YPEL3: variants seen among roughly 807,000 people sequenced by gnomAD.
YPEL3 encodes the protein yippee like 3, also known as protein yippee-like 3.
A neutral mutation model predicts 17.5 loss-of-function variants in YPEL3; 5 were observed. The observed-to-expected ratio is 0.29, with a 90% confidence interval of 0.15 to 0.60. The LOEUF (loss-of-function observed/expected upper bound fraction) is 0.60, where lower values mean the gene tolerates loss of function less well. YPEL3 is among the 20% of genes least tolerant of loss of function. YPEL3 has a pLI of 0.87. For missense variants in YPEL3, 155 were observed against 211.4 expected (o/e 0.73, Z 1.65); for synonymous variants, 87 against 87.2 (o/e 1.00, Z 0.01).
chr16:30,095,361 C>T lies in YPEL3; in HGVS notation c.122G>A (p.Arg41Gln), dbSNP rs2072781016. Residue 41 changes from arginine (R) to glutamine (Q), a missense_variant, in exon 1 of 4, where the codon CGG becomes CAG. This residue lies in a region of YPEL3 where 58 missense variants were observed against 60.0 expected (regional missense o/e 0.97). Transcript: ENST00000398841. This position sits in a 1 kb window ranked among gnomAD's most constrained non-coding sequence, Gnocchi z 5.4. ...GPLPPAPAMV[R>Q]ISKPKTFQAY... ...CTGAAACGTCTTGGGCTTTGAAATC[C>T]GCACCATGGCGGGGGCCGGGGGCAG... 2 of 1,614,118 alleles carry T rather than the reference C, an allele frequency of 1.2e-6. No homozygotes were observed. The highest frequency in any genetic ancestry group is 8.5e-7 in the Non-Finnish European group (1 of 1,180,008).
Position 30,094,775 on chromosome 16 carries a change from G to A in YPEL3, c.384+14C>T, listed in dbSNP as rs758399896. 6.2e-7 allele frequency: 1 copy of A among 1,612,708 alleles called. No homozygotes were observed. Among genetic ancestry groups the A allele is most frequent in the African/African-American group, 1.3e-5 (1 of 75,030 alleles). On this transcript the variant is annotated intron_variant, in intron 3 of 3. Transcript: ENST00000398841. ...GGTCAAAGGCTAGCCTGGGGTCAGA[G>A]GTGGGTGACTCACATATTTCCAGCC...
intron 3 of YPEL3, among the ~76,000 whole-genome samples, 182 bp from the exon 4 acceptor site, chr16:30,092,981 T>TAA (rs2072750637): frequency 1.3e-5 from 2 of 152,194 alleles, no homozygotes; most frequent in Admixed American, 6.5e-5. Flanking sequence ...GGTACTTTTT[T>TAA]AAGTACTAAT....
chr16:30,092,877 G>C (rs2072749119), intron 3 of YPEL3, 78 bp from the exon 4 acceptor site: 2 of 1,272,388 alleles, frequency 1.6e-6, no homozygotes, highest in Non-Finnish European at 1.1e-6. Flanking sequence ...GTGGACATGA[G>C]TGGCCCCATT....
chr16:30,092,883 C>T (rs2072749246), intron 3 of YPEL3, 84 bp from the exon 4 acceptor site: 19 of 1,183,124 alleles, frequency 1.6e-5, no homozygotes, highest in South Asian at 9.9e-5. Flanking sequence ...ATGAGTGGCC[C>T]CATTTTACAT....
Position 30,092,611 on chromosome 16 carries a change from G to T in YPEL3, c.*99C>A. ...AGGAGCTAGATCCGTCCTCTGCAGG[G>T]GCTCTGAGGGTCCAGAGCTCCCTTC... On this transcript the variant is annotated 3_prime_UTR_variant, in exon 4 of 4. Transcript: ENST00000398841. 9.4e-7 allele frequency: 1 copy of T among 1,067,182 alleles called. No individual in the cohort carries two copies. The highest frequency in any genetic ancestry group is 1.3e-5 in the South Asian group (1 of 78,038). The allele number at this position is 1,067,182 out of a possible 1,614,324, so 66.1% of individuals were successfully genotyped here.
chr16:30,095,912 T>C lies in YPEL3; in HGVS notation c.-430A>G. 6.1e-6 allele frequency: 1 copy of C among 163,150 alleles called. No individual in the cohort carries two copies. The highest frequency in any genetic ancestry group is 1.3e-5 in the Non-Finnish European group (1 of 75,582). The allele number at this position is 163,150 out of a possible 1,614,324, so 10.1% of individuals were successfully genotyped here. On this transcript the variant is annotated 5_prime_UTR_variant, in exon 1 of 4. Coordinates refer to ENST00000398841, the MANE Select transcript of YPEL3 (RefSeq NM_031477.5). The surrounding 1 kb of genome is among the most constrained non-coding windows in gnomAD (Gnocchi z 5.4). ...GAGGGTCACCTAGGAGGGGAGGGGC[T>C]CTCACCTGCGGGCGCCAAGGCCTCC...
At position 30,094,819 on chromosome 16, in the gene YPEL3, C is replaced by T; in HGVS notation, c.354G>A (p.Glu118=). ...GLHAVADIHC[E]NCKTTLGWKY... The stretch of plus-strand genomic sequence containing the variant: ...TCCAGCCCAAAGTGGTCTTGCAGTT[C>T]TCGCAGTGGATGTCGGCGACAGCAT... Residue 118 remains glutamate, a synonymous_variant, in exon 3 of 4, where the codon GAG becomes GAA. Transcript: ENST00000398841. The T allele has an allele frequency of 6.2e-7, 1 of 1,614,166 alleles. No individual in the cohort carries two copies. The highest frequency in any genetic ancestry group is 1.1e-5 in the South Asian group (1 of 91,082).
rs761326026 is a variant in YPEL3, at chr16:30,095,485, G to A, written c.-3C>T. On this transcript the variant is annotated 5_prime_UTR_variant, in exon 1 of 4. Coordinates refer to ENST00000398841, the MANE Select transcript of YPEL3 (RefSeq NM_031477.5). The surrounding 1 kb of genome is among the most constrained non-coding windows in gnomAD (Gnocchi z 5.4). The stretch of plus-strand genomic sequence containing the variant: ...GTCAGGACCTGGGCCACACACATGC[G>A]AGGCACTCCCAGAGCCGTGGGGACT... 85 of 1,507,776 alleles carry A rather than the reference G, an allele frequency of 5.6e-5. No individual in the cohort carries two copies. The highest frequency in any genetic ancestry group is 7.3e-5 in the Non-Finnish European group (82 of 1,128,356). The allele number at this position is 1,507,776 out of a possible 1,614,324, so 93.4% of individuals were successfully genotyped here.
chr16:30,092,860 T>C lies in YPEL3; in HGVS notation c.385-61A>G, dbSNP rs544917744. 13 of 1,487,884 alleles carry C rather than the reference T, an allele frequency of 8.7e-6. No homozygotes were observed. The South Asian group carries it at 1.4e-4, about 16-fold the overall frequency. The allele number at this position is 1,487,884 out of a possible 1,614,324, so 92.2% of individuals were successfully genotyped here. A position where few individuals can be genotyped will look rare whatever the true frequency, so the allele number is the denominator to read the frequency against. On this transcript the variant is annotated intron_variant, in intron 3 of 3. Transcript: ENST00000398841. ...ACAGTCTCACCACAAGGCACTGGGG[T>C]TGGGAAGTGGACATGAGTGGCCCCA...
chr16:30,094,673 G>A, intron 3 of YPEL3, 116 bp downstream of exon 3: 2 of 971,016 alleles, frequency 2.1e-6, no homozygotes, highest in South Asian at 2.7e-5. Context: ...CAGGGATGCT[G>A]ACTTGTGTGA....
chr16:30,095,518 T>A lies in YPEL3; in HGVS notation c.-36A>T. The A allele has an allele frequency of 6.9e-7, 1 of 1,444,866 alleles. No homozygotes were observed. The highest frequency in any genetic ancestry group is 9.2e-7 in the Non-Finnish European group (1 of 1,090,750). The allele number at this position is 1,444,866 out of a possible 1,614,324, so 89.5% of individuals were successfully genotyped here. On this transcript the variant is annotated 5_prime_UTR_variant, in exon 1 of 4. Coordinates refer to ENST00000398841, the MANE Select transcript of YPEL3 (RefSeq NM_031477.5). This position sits in a 1 kb window ranked among gnomAD's most constrained non-coding sequence, Gnocchi z 5.4. Reference sequence around the variant, plus strand: ...CCCAGAGCCGTGGGGACTCGCTCTGTCACACTGGGCTGCTCTCTCCTTTCC... The same window carrying A: ...CCCAGAGCCGTGGGGACTCGCTCTGACACACTGGGCTGCTCTCTCCTTTCC...
Position 30,095,108 on chromosome 16 carries a change from G to T in YPEL3, c.270C>A (p.Asn90Lys). ...QGSQGRAYLFNSVVNVGCGPA... is the reference protein window; with the variant it reads ...QGSQGRAYLFKSVVNVGCGPA... ...AAGGGAGGCCAGATACTCACACTGA[G>T]TTGAAGAGGTAGGCACGCCCCTGAC... The change falls in exon 2 of 4, where the codon AAC (asparagine) becomes AAA (lysine). Residue 90 changes from asparagine (N) to lysine (K), a missense_variant. Physicochemically the swap from Asn to Lys is moderately conservative, Grantham distance 94 (BLOSUM62 0). Coordinates refer to ENST00000398841, the MANE Select transcript of YPEL3 (RefSeq NM_031477.5). This position sits in a 1 kb window ranked among gnomAD's most constrained non-coding sequence, Gnocchi z 5.4. 1 of 1,614,166 alleles carries T rather than the reference G, an allele frequency of 6.2e-7. No individual in the cohort carries two copies. The highest frequency in any genetic ancestry group is 1.3e-5 in the African/African-American group (1 of 75,050).
Position 30,096,061 on chromosome 16 carries a change from C to A in YPEL3, c.-579G>T, listed in dbSNP as rs1224911312. ...AGTCCTCGCGGGCTGGGCAGGGGCG[C>A]GGGGCGACACGCAGCCCTGACGGCG... On this transcript the variant is annotated 5_prime_UTR_variant, in exon 1 of 4. Transcript: ENST00000398841. 1 of 122,018 alleles carries A rather than the reference C, an allele frequency of 8.2e-6. No homozygotes were observed. The highest frequency in any genetic ancestry group is 1.6e-5 in the Non-Finnish European group (1 of 60,670). 7.6% of individuals were successfully genotyped at this position (122,018 alleles called of 1,614,324 possible).
At chr16:30,094,999 A>G in intron 2 of YPEL3, 102 bp from the exon 3 acceptor site, 1 of 1,601,008 alleles carries the variant, frequency 6.2e-7, no homozygotes, top group Non-Finnish European at 8.5e-7. Context: ...GATGCTCACA[A>G]TTTCCTGCCT....
Position 30,095,295 on chromosome 16 carries a change from TGG to T in YPEL3, c.186_187del (p.His63LeufsTer66). Reference sequence around the variant, plus strand: ...GTGGTTGGCCAGGTGAGCGCGGCAGTGGGCACAGCTATACCTCCGGTGACAAT... The same window carrying T: ...GTGGTTGGCCAGGTGAGCGCGGCAGTGCACAGCTATACCTCCGGTGACAAT... On this transcript the variant is annotated frameshift_variant, in exon 1 of 4. Transcript: ENST00000398841. LOFTEE classifies it high-confidence loss of function. This position sits in a 1 kb window ranked among gnomAD's most constrained non-coding sequence, Gnocchi z 5.4. 6.2e-7 allele frequency: 1 copy of T among 1,614,160 alleles called. No individual in the cohort carries two copies.
Position 30,095,419 on chromosome 16 carries a change from A to G in YPEL3, c.64T>C (p.Cys22Arg), listed in dbSNP as rs756625481. Residue 22 changes from cysteine to arginine, a missense_variant, in exon 1 of 4, where the codon TGC (cysteine) becomes CGC (arginine). This residue lies in a region of YPEL3 where 58 missense variants were observed against 60.0 expected (regional missense o/e 0.97). Coordinates refer to ENST00000398841, the MANE Select transcript of YPEL3 (RefSeq NM_031477.5). The surrounding 1 kb of genome is among the most constrained non-coding windows in gnomAD (Gnocchi z 5.4). ...ACGCGGGGAGCGGCCCACGGGGAGC[A>G]GAGGGAGCCCAGTGCCTGCCGGGGA... ...LPPRQALGSLCSPWAAPRVGP... is the reference protein window; with the variant it reads ...LPPRQALGSLRSPWAAPRVGP... The G allele has an allele frequency of 6.2e-5, 99 of 1,607,842 alleles. 1 individual carries two copies. The highest frequency in any genetic ancestry group is 3.3e-4 in the East Asian group (15 of 44,818).
chr16:30,095,615 T>C lies in YPEL3; in HGVS notation c.-133A>G. ...CTCAGTGAGGAGGCCTCAGGTTGCA[T>C]CCATGGGGAAACTGAGGCTCGGAGG... On this transcript the variant is annotated 5_prime_UTR_variant, in exon 1 of 4. It removes an upstream start codon present in the reference 5' UTR. Transcript: ENST00000398841. This position sits in a 1 kb window ranked among gnomAD's most constrained non-coding sequence, Gnocchi z 5.4. 1 of 781,786 alleles carries C rather than the reference T, an allele frequency of 1.3e-6. No homozygotes were observed. The highest frequency in any genetic ancestry group is 1.9e-6 in the Non-Finnish European group (1 of 518,340). 48.4% of individuals were successfully genotyped at this position (781,786 alleles called of 1,614,324 possible). A position where few individuals can be genotyped will look rare whatever the true frequency, so the allele number is the denominator to read the frequency against.
In YPEL3 at chr16:30,095,183, A is replaced by T; in HGVS notation, c.232-37T>A. 9 of 1,614,068 alleles carry T rather than the reference A, an allele frequency of 5.6e-6. No individual in the cohort carries two copies. Among genetic ancestry groups the T allele is most frequent in the Non-Finnish European group, 7.6e-6 (9 of 1,179,976 alleles). On this transcript the variant is annotated intron_variant, in intron 1 of 3. Transcript: ENST00000398841. This position sits in a 1 kb window ranked among gnomAD's most constrained non-coding sequence, Gnocchi z 5.4. ...GAGGGTGGGAAGAGAGGAGGGGGTC[A>T]GGGCTGCCGGTGGGGAGCTGCCAGG...
At chr16:30,094,547 G>A (rs943006009) in intron 3 of YPEL3, 2 of 547,678 alleles carry the variant, frequency 3.7e-6, no homozygotes, top group African/African-American at 3.8e-5. Flanking sequence ...TCCATAAATG[G>A]TGACTCTGAT....
Sources: allele counts gnomAD v4.1 joint callset (sites outside exome capture counted in the v4.1 genomes callset), GRCh38; gene constraint gnomAD v4.1.1; regional missense constraint gnomAD v4.1.1; non-coding constraint Gnocchi (gnomAD v3.1); transcripts MANE v1.5; gene names NCBI Gene and HGNC (gene_info 2026-07-23, HGNC 2026-07-21).